Variants in NEURL1 observed in about 807,000 individuals in gnomAD.
NEURL1 encodes the protein neuralized E3 ubiquitin protein ligase 1, also known as E3 ubiquitin-protein ligase NEURL1.
A neutral mutation model predicts 41.2 loss-of-function variants in NEURL1; 26 were observed. The observed-to-expected ratio is 0.63, with a 90% CI of 0.46 to 0.87. NEURL1 has a LOEUF of 0.87. NEURL1 is among the 40% of genes least tolerant of loss of function. The pLI is 0.00. For missense variants in NEURL1, 761 were observed against 871.1 expected (o/e 0.87, Z 1.59); for synonymous variants, 400 against 402.3 (o/e 0.99, Z 0.07).
At chr10:103,549,562 A>G (rs7920798) in intron 1 of NEURL1, among the ~76,000 whole-genome samples, 148,569 of 152,334 alleles carry the variant, frequency 0.98, 72,474 homozygotes, top group East Asian at 1. Flanking sequence ...CAGCCTAATG[A>G]GTAGAGAGGA....
chr10:103,578,703 TC>T (rs1211182307), intron 3 of NEURL1, among the ~76,000 whole-genome samples: 26 of 152,202 alleles, frequency 1.7e-4, no homozygotes, highest in African/African-American at 6.0e-4. Context: ...GTTCTGCCCT[TC>T]CCTCTGTGAG....
intron 1 of NEURL1, among the ~76,000 whole-genome samples, chr10:103,543,161 CT>C (rs1212567161): frequency 1.3e-5 from 2 of 152,302 alleles, no homozygotes; most frequent in East Asian, 3.9e-4. Flanking sequence ...CCCCTCCTCC[CT>C]GTAGTCCTGC....
chr10:103,567,635 G>A (rs2035453785), intron 1 of NEURL1, among the ~76,000 whole-genome samples: 1 of 152,148 alleles, frequency 6.6e-6, no homozygotes, highest in Admixed American at 6.5e-5. Context: ...TAGGTCTCAA[G>A]TGATCCTCCT....
chr10:103,510,900 C>A (rs2034053227), intron 1 of NEURL1, among the ~76,000 whole-genome samples: 1 of 152,300 alleles, frequency 6.6e-6, no homozygotes, highest in East Asian at 1.9e-4. Flanking sequence ...GTTTCTCAGG[C>A]AGGCGGTCTT....
chr10:103,562,660 A>G (rs1156261470), intron 1 of NEURL1, among the ~76,000 whole-genome samples: 1 of 152,204 alleles, frequency 6.6e-6, no homozygotes, highest in African/African-American at 2.4e-5. Context: ...GGATTGGGAA[A>G]GGCTGCTTGG....
intron 1 of NEURL1, among the ~76,000 whole-genome samples, chr10:103,543,452 G>T (rs1415946025): frequency 6.6e-6 from 1 of 152,224 alleles, no homozygotes; most frequent in Non-Finnish European, 1.5e-5. Context: ...GCAGAAGGGG[G>T]AAGAGTAAAG....
chr10:103,505,690 G>A (rs983877860), intron 1 of NEURL1, among the ~76,000 whole-genome samples: 4 of 151,884 alleles, frequency 2.6e-5, no homozygotes, highest in African/African-American at 9.7e-5. Flanking sequence ...ATCTTAAAAA[G>A]CACCCTAGAC....
intron 1 of NEURL1, among the ~76,000 whole-genome samples, chr10:103,564,272 G>T (rs113924589): frequency 0.01 from 1,543 of 152,302 alleles, 21 homozygotes; most frequent in African/African-American, 0.035. Context: ...CACCATGTCA[G>T]CAGCAGCCTC....
At position 103,571,125 on chromosome 10, in the gene NEURL1, C is replaced by G. The variant is rs779718490; in HGVS notation, c.327+12C>G. The G allele has an allele frequency of 1.9e-6, 3 of 1,610,262 alleles. No individual in the cohort carries two copies. The Admixed American group carries it at 5.0e-5, about 27-fold the overall frequency. ...AAGTCAGGCTGAAGGTGGGCCTGCC[C>G]CCTGCCCCCGCCCCCGCCTCCTGCT... On this transcript the variant is annotated intron_variant, in intron 2 of 5. Transcript: ENST00000369780.
intron 3 of NEURL1, among the ~76,000 whole-genome samples, chr10:103,581,283 C>T (rs1479632707): frequency 6.6e-6 from 1 of 152,150 alleles, no homozygotes; most frequent in Non-Finnish European, 1.5e-5. Context: ...CCTGGATCAC[C>T]CCAAAGCCCA....
chr10:103,575,165 C>T (rs1278179839), intron 3 of NEURL1, among the ~76,000 whole-genome samples: 1 of 152,038 alleles, frequency 6.6e-6, no homozygotes, highest in Non-Finnish European at 1.5e-5. Flanking sequence ...CTCTCCGCCC[C>T]ACTTCCCGCC....
chr10:103,504,889 C>T (rs144485474), intron 1 of NEURL1, among the ~76,000 whole-genome samples: 278 of 152,254 alleles, frequency 1.8e-3, no homozygotes, highest in African/African-American at 6.5e-3. Context: ...TAGGAAGTGA[C>T]CTGAAAATGA....
chr10:103,539,611 C>G (rs1339017283), intron 1 of NEURL1, among the ~76,000 whole-genome samples: 1 of 152,178 alleles, frequency 6.6e-6, no homozygotes, highest in African/African-American at 2.4e-5. Context: ...GGAAGACACT[C>G]CCAGCTTTGA....
At chr10:103,513,748 C>T (rs112265195) in intron 1 of NEURL1, among the ~76,000 whole-genome samples, 3 of 148,524 alleles carry the variant, frequency 2.0e-5, no homozygotes, top group Non-Finnish European at 3.0e-5. Flanking sequence ...GTGCCTCTGG[C>T]CTAGGAGCTG....
Position 103,494,176 on chromosome 10 carries a change from C to T in NEURL1, c.-212C>T. 1 of 490,934 alleles carries T rather than the reference C, an allele frequency of 2.0e-6. No homozygotes were observed. The highest frequency in any genetic ancestry group is 3.6e-6 in the Non-Finnish European group (1 of 279,828). The allele number at this position is 490,934 out of a possible 1,614,324, so 30.4% of individuals were successfully genotyped here. On this transcript the variant is annotated 5_prime_UTR_variant, in exon 1 of 6. Coordinates refer to ENST00000369780, the MANE Select transcript of NEURL1 (RefSeq NM_004210.5). ...CATGGGAGGCAGGTAGCCCAGCCTG[C>T]GCCAGGACACCCGTGGCGGGCGGAA...
chr10:103,561,097 G>T (rs2133872565), intron 1 of NEURL1, among the ~76,000 whole-genome samples: 1 of 152,288 alleles, frequency 6.6e-6, no homozygotes, highest in Non-Finnish European at 1.5e-5. Flanking sequence ...GGCAGTCCTT[G>T]GTCCCTTGCC....
In NEURL1 at chr10:103,494,315, C is replaced by G. The variant is rs1251455956; in HGVS notation, c.-73C>G. The G allele has an allele frequency of 2.2e-6, 3 of 1,342,176 alleles. No homozygotes were observed. The highest frequency in any genetic ancestry group is 1.0e-6 in the Non-Finnish European group (1 of 971,092). The allele number at this position is 1,342,176 out of a possible 1,614,324, so 83.1% of individuals were successfully genotyped here. On this transcript the variant is annotated 5_prime_UTR_variant, in exon 1 of 6. Transcript: ENST00000369780. The stretch of plus-strand genomic sequence containing the variant: ...TGGCGCGCACCCGCGCGCGCACACT[C>G]GCACACCGCACCTCAGCGCCTGCCC...
At chr10:103,549,741 G>C (rs984133943) in intron 1 of NEURL1, among the ~76,000 whole-genome samples, 42 of 152,294 alleles carry the variant, frequency 2.8e-4, no homozygotes, top group African/African-American at 1.0e-3. Context: ...CCAGACCCTA[G>C]TCACTTCCCC....
chr10:103,576,091 G>T (rs2035657005), intron 3 of NEURL1, among the ~76,000 whole-genome samples: 1 of 152,204 alleles, frequency 6.6e-6, no homozygotes, highest in Admixed American at 6.5e-5. Context: ...CCCTCTCCTG[G>T]AATAATGTTT....
Sources: gnomAD v4.1 joint callset for allele counts (sites outside exome capture counted in the v4.1 genomes callset) on GRCh38, gnomAD v4.1.1 for gene constraint, MANE v1.5 for transcripts, NCBI Gene and HGNC (gene_info 2026-07-23, HGNC 2026-07-21) for gene names.